Variants in FAM3A observed in about 807,000 individuals in gnomAD.
The protein encoded by FAM3A is FAM3 metabolism regulating signaling molecule A, also known as protein FAM3A.
FAM3A carries 5 observed loss-of-function variants against 18.1 expected under a neutral mutation model. That is an observed-to-expected ratio of 0.28 (90% CI 0.14 to 0.58). The LOEUF is 0.58. FAM3A is among the 20% of genes least tolerant of loss of function. The pLI, the probability that FAM3A is intolerant of heterozygous loss-of-function variation, is 0.91. For synonymous variants in FAM3A, 108 were observed against 90.2 expected (o/e 1.20, Z -1.12); for missense variants, 154 against 216.6 (o/e 0.71, Z 1.81).
rs2069509855 is a variant in FAM3A at position 154,506,222 on chromosome X, G to A, written c.*589C>T. 8.8e-6 allele frequency: 1 copy of A among 113,964 alleles called. No individual in the cohort carries two copies. Among genetic ancestry groups the A allele is most frequent in the African/African-American group, 3.3e-5 (1 of 30,296 alleles). The allele number at this position is 113,964 out of a possible 1,213,427, so 9.4% of individuals were successfully genotyped here. A position where few individuals can be genotyped will look rare whatever the true frequency, so the allele number is the denominator to read the frequency against. On this transcript the variant is annotated 3_prime_UTR_variant, in exon 9 of 9. Coordinates refer to ENST00000447601, the MANE Select transcript of FAM3A (RefSeq NM_021806.4). ...GGGTCATCTAGAAGGTGGGCCCCCT[G>A]ACAAACCGCGGGACTGTGATCGGGC...
In FAM3A at chrX:154,508,508, C is replaced by T. The variant is rs782009373; in HGVS notation, c.241G>A (p.Val81Ile). Reference sequence around the variant, plus strand: ...TCGAGGCAGATCTTGGGCCCAATGACGTTGGCGGCCCCGCTGACCACGCGG... The same window carrying T: ...TCGAGGCAGATCTTGGGCCCAATGATGTTGGCGGCCCCGCTGACCACGCGG... ...AFRVVSGAANVIGPKICLEDK... is the reference protein window; with the variant it reads ...AFRVVSGAANIIGPKICLEDK... Residue 81 changes from valine to isoleucine, a missense_variant, in exon 4 of 9, where the codon GTC becomes ATC. Physicochemically the swap from Val to Ile is conservative, Grantham distance 29. Transcript: ENST00000447601. 23 of 1,206,768 alleles carry T rather than the reference C, an allele frequency of 1.9e-5. No individual in the cohort carries two copies. Among genetic ancestry groups the T allele is most frequent in the Admixed American group, 1.8e-4 (8 of 45,697 alleles).
At chrX:154,511,949 G>A (rs782385334) in intron 2 of FAM3A, 78 bp from the exon 3 acceptor site, 19 of 953,031 alleles carry the variant, frequency 2.0e-5, no homozygotes, top group Middle Eastern at 3.2e-4. Context: ...TCCTTACACC[G>A]CGAAGTGTAG....
At position 154,507,509 on chromosome X, in the gene FAM3A, C is replaced by T. The variant is rs782715267; in HGVS notation, c.386-19G>A. ...TTGACATCTGGGGGGGCAGGTGCCA[C>T]GGAACAGGGGTCATCAGGCACCACT... On this transcript the variant is annotated intron_variant, in intron 6 of 8. Transcript: ENST00000447601. 6.4e-5 allele frequency: 76 copies of T among 1,195,233 alleles called. No homozygotes were observed. In the Admixed American group the frequency reaches 1.6e-3, roughly 25 times the overall value.
At chrX:154,508,618 T>A in intron 3 of FAM3A, 21 bp from the exon 4 acceptor site, 2 of 1,177,406 alleles carry the variant, frequency 1.7e-6, no homozygotes, top group Non-Finnish European at 2.3e-6. Context: ...ATAGCAGGTG[T>A]TATCCATGGG....
Position 154,512,868 on chromosome X carries a change from C to T in FAM3A, c.82G>A (p.Gly28Ser). The T allele has an allele frequency of 2.5e-6, 3 of 1,211,399 alleles. No homozygotes were observed. Among genetic ancestry groups the T allele is most frequent in the Non-Finnish European group, 3.4e-6 (3 of 895,023 alleles). Residue 28 changes from glycine (G) to serine (S), a missense_variant, in exon 2 of 9, where the codon GGT (glycine) becomes AGT (serine). Coordinates refer to ENST00000447601, the MANE Select transcript of FAM3A (RefSeq NM_021806.4). ...CGAGGAAAGCCACTGCCAGGCCCAC[C>T]CAGGAGGATGCTGACCACGATCCAT... ...VTWIVVSILL[G>S]GPGSGFPRIQ...
At chrX:154,507,007 A>T in intron 8 of FAM3A, 101 bp from the exon 9 acceptor site, 1 of 907,321 alleles carries the variant, frequency 1.1e-6, no homozygotes, top group South Asian at 2.2e-5. Context: ...TGTGTTGGCC[A>T]ACGGTGTACT....
At chrX:154,515,627 G>C in intron 1 of FAM3A, 133 bp downstream of exon 1, 1 of 687,032 alleles carries the variant, frequency 1.5e-6, no homozygotes, top group East Asian at 3.2e-5. Flanking sequence ...ACGAGTGTTT[G>C]TGCAGAGTCC....
chrX:154,512,946 G>A lies in FAM3A; in HGVS notation c.14-10C>T. The A allele has an allele frequency of 8.6e-7, 1 of 1,158,323 alleles. No individual in the cohort carries two copies. Among genetic ancestry groups the A allele is most frequent in the Non-Finnish European group, 1.2e-6 (1 of 847,232 alleles). On this transcript the variant is annotated splice_polypyrimidine_tract_variant and intron_variant, in intron 1 of 8. Transcript: ENST00000447601. ...ACAATGCGGAGAGGGCCTGGAGGCA[G>A]GATAGACACAGGGTGGGGTCACCTC...
intron 3 of FAM3A, 97 bp from the exon 4 acceptor site, chrX:154,508,694 G>A (rs782286227): frequency 2.0e-6 from 2 of 1,022,588 alleles, no homozygotes; most frequent in South Asian, 2.0e-5. Context: ...TAGAACAAGT[G>A]ACCGCAGAGC....
At chrX:154,512,531 G>A (rs1348279636) in intron 2 of FAM3A, 5 of 316,700 alleles carry the variant, frequency 1.6e-5, no homozygotes, top group African/African-American at 8.1e-5. Context: ...GGGAGCAACC[G>A]GGGCATCACT....
In FAM3A at chrX:154,516,054, T is replaced by C. The variant is rs1248513259; in HGVS notation, c.-282A>G. The C allele has an allele frequency of 5.9e-6, 2 of 338,538 alleles. No homozygotes were observed. Among genetic ancestry groups the C allele is most frequent in the East Asian group, 5.1e-5 (1 of 19,745 alleles). 27.9% of individuals were successfully genotyped at this position (338,538 alleles called of 1,213,427 possible). A position where few individuals can be genotyped will look rare whatever the true frequency, so the allele number is the denominator to read the frequency against. ...GGCTGGGACGAAGATGTGGTTCTCC[T>C]GGGCTCGGGCCGTTCCTCCGGGCCT... On this transcript the variant is annotated 5_prime_UTR_variant, in exon 1 of 9. Coordinates refer to ENST00000447601, the MANE Select transcript of FAM3A (RefSeq NM_021806.4).
Position 154,512,227 on chromosome X carries a change from C to CAAT in FAM3A, c.128-359_128-357dup, listed in dbSNP as rs782325424. ...TGAAACCCCATCTCTACTAAAAATA[C>CAAT]AATAATAATAATAATAATAATAATA... On this transcript the variant is annotated intron_variant, in intron 2 of 8. Coordinates refer to ENST00000447601, the MANE Select transcript of FAM3A (RefSeq NM_021806.4). 5.2e-4 allele frequency: 77 copies of CAAT among 148,922 alleles called. 1 individual carries two copies. The highest frequency in any genetic ancestry group is 1.4e-3 in the South Asian group (13 of 9,314). 12.3% of individuals were successfully genotyped at this position (148,922 alleles called of 1,213,427 possible). A position where few individuals can be genotyped will look rare whatever the true frequency, so the allele number is the denominator to read the frequency against.
Position 154,508,282 on chromosome X carries a change from G to T in FAM3A, c.334+7C>A, listed in dbSNP as rs1318794642. ...GGCGGCAGGCCACGCTCAGCCAGGG[G>T]CCTCACCGTTCACCAGGGCGATGTT... On this transcript the variant is annotated splice_region_variant and intron_variant, in intron 5 of 8. Coordinates refer to ENST00000447601, the MANE Select transcript of FAM3A (RefSeq NM_021806.4). The T allele has an allele frequency of 3.5e-5, 37 of 1,057,017 alleles. No homozygotes were observed. The highest frequency in any genetic ancestry group is 4.5e-5 in the Non-Finnish European group (37 of 820,843). 87.1% of individuals were successfully genotyped at this position (1,057,017 alleles called of 1,213,427 possible). A position where few individuals can be genotyped will look rare whatever the true frequency, so the allele number is the denominator to read the frequency against.
At chrX:154,514,917 G>A (rs782236306) in intron 1 of FAM3A, among the ~76,000 whole-genome samples, 3 of 109,704 alleles carry the variant, frequency 2.7e-5, no homozygotes, top group Non-Finnish European at 5.7e-5. Context: ...GCGCAATCTC[G>A]GCTCACTGCA....
At chrX:154,512,528 A>C in intron 2 of FAM3A, 1 of 317,066 alleles carries the variant, frequency 3.2e-6, no homozygotes, top group Non-Finnish European at 5.5e-6. Flanking sequence ...GCAGGGAGCA[A>C]CCGGGGCATC....
intron 8 of FAM3A, 62 bp downstream of exon 8, chrX:154,507,141 G>A (rs1450993507): frequency 3.1e-5 from 36 of 1,152,449 alleles, no homozygotes; most frequent in African/African-American, 9.0e-5. Context: ...GAGGCTCGTC[G>A]CATGCAGGCA....
Position 154,506,688 on chromosome X carries a change from G to C in FAM3A, c.*123C>G, listed in dbSNP as rs2069541495. 7.6e-6 allele frequency: 4 copies of C among 522,981 alleles called. No individual in the cohort carries two copies. Among genetic ancestry groups the C allele is most frequent in the Non-Finnish European group, 9.7e-6 (3 of 310,192 alleles). 43.1% of individuals were successfully genotyped at this position (522,981 alleles called of 1,213,427 possible). ...CTGGTCACTGCCTCGGAGCCCCGAT[G>C]TGTTGGGGCCAGGGAGCGCTCCTGC... On this transcript the variant is annotated 3_prime_UTR_variant, in exon 9 of 9. Coordinates refer to ENST00000447601, the MANE Select transcript of FAM3A (RefSeq NM_021806.4).
At chrX:154,507,126 C>A in intron 8 of FAM3A, 77 bp downstream of exon 8, 1 of 1,132,921 alleles carries the variant, frequency 8.8e-7, no homozygotes, top group Non-Finnish European at 1.2e-6. Context: ...GCGTGAGCAG[C>A]TGGGGAGGCT....
At chrX:154,507,951 T>C in intron 5 of FAM3A, 90 bp from the exon 6 acceptor site, 2 of 788,996 alleles carry the variant, frequency 2.5e-6, no homozygotes, top group Non-Finnish European at 3.6e-6. Context: ...GGGCAGCCCT[T>C]CTGGAAGCTT....
Sources: allele counts gnomAD v4.1 joint callset (sites outside exome capture counted in the v4.1 genomes callset), GRCh38; gene constraint gnomAD v4.1.1; transcripts MANE v1.5; gene names NCBI Gene and HGNC (gene_info 2026-07-23, HGNC 2026-07-21).